The following ZDHHC5 variants were observed in gnomAD, a reference collection of about 807,000 sequenced individuals.
The protein encoded by ZDHHC5 is palmitoyltransferase ZDHHC5.
In ZDHHC5, 22 loss-of-function variants were observed where a neutral mutation model predicts 70.0. The ratio of observed to expected loss-of-function variants is 0.31; its 90% CI spans 0.22 to 0.45. The LOEUF (loss-of-function observed/expected upper bound fraction) is 0.45, where lower values mean the gene tolerates loss of function less well. Among genes scored for constraint, ZDHHC5 ranks in the 20% least tolerant of loss-of-function variants. The pLI is 1.00. For synonymous variants in ZDHHC5, 313 were observed against 347.8 expected (o/e 0.90, Z 1.11); for missense variants, 746 against 926.9 (o/e 0.80, Z 2.53).
At chr11:57,681,291 A>G (rs1946147140) in intron 2 of ZDHHC5, among the ~76,000 whole-genome samples, 1 of 152,132 alleles carries the variant, frequency 6.6e-6, no homozygotes. Context: ...CTGGAATCAT[A>G]TGCTGTCTTG....
intron 10 of ZDHHC5, among the ~76,000 whole-genome samples, chr11:57,697,828 CAAAAAA>C (rs1010913426): frequency 3.5e-5 from 1 of 28,760 alleles, no homozygotes; most frequent in Non-Finnish European, 7.1e-5. Flanking sequence ...GACTACACCT[CAAAAAA>C]AAAAAAAAAA....
chr11:57,674,712 G>GA (rs1010820709), intron 2 of ZDHHC5, among the ~76,000 whole-genome samples: 9 of 152,152 alleles, frequency 5.9e-5, no homozygotes, highest in Non-Finnish European at 8.8e-5. Context: ...AAGATATTCT[G>GA]AAAAATGTGG....
At chr11:57,688,101 T>G (rs1290956694) in intron 3 of ZDHHC5, among the ~76,000 whole-genome samples, 1 of 152,146 alleles carries the variant, frequency 6.6e-6, no homozygotes, top group African/African-American at 2.4e-5. Flanking sequence ...GAAAAAAAGG[T>G]TGATGTTAGT....
At chr11:57,680,401 C>T (rs963951161) in intron 2 of ZDHHC5, among the ~76,000 whole-genome samples, 1 of 152,012 alleles carries the variant, frequency 6.6e-6, no homozygotes, top group Non-Finnish European at 1.5e-5. Flanking sequence ...AAGAAAGAGT[C>T]GAGTCAGAAA....
At chr11:57,683,296 G>C (rs1175658602) in intron 3 of ZDHHC5, among the ~76,000 whole-genome samples, 1 of 152,206 alleles carries the variant, frequency 6.6e-6, no homozygotes, top group Non-Finnish European at 1.5e-5. Context: ...ATTCCTTTTA[G>C]AAAAATAATT....
intron 7 of ZDHHC5, 140 bp downstream of exon 7, chr11:57,692,842 T>A: frequency 3.8e-6 from 3 of 789,214 alleles, no homozygotes; most frequent in African/African-American, 1.7e-5. Flanking sequence ...CCACTCTATC[T>A]TAGAATGGTA....
At chr11:57,682,822 A>G (rs1209062352) in intron 3 of ZDHHC5, among the ~76,000 whole-genome samples, 1 of 152,170 alleles carries the variant, frequency 6.6e-6, no homozygotes, top group Non-Finnish European at 1.5e-5. Flanking sequence ...AGTTTTAGTG[A>G]TTTGTTCAGC....
At chr11:57,669,184 T>A (rs1945968264) in intron 1 of ZDHHC5, among the ~76,000 whole-genome samples, 1 of 152,230 alleles carries the variant, frequency 6.6e-6, no homozygotes, top group African/African-American at 2.4e-5. Context: ...ACATTAAACT[T>A]CTTGGCTCTT....
intron 3 of ZDHHC5, among the ~76,000 whole-genome samples, chr11:57,685,353 T>TA (rs1419439867): frequency 1.3e-5 from 2 of 152,072 alleles, no homozygotes; most frequent in Non-Finnish European, 2.9e-5. Flanking sequence ...TTGGGGTTTT[T>TA]AAGAAGGTCA....
chr11:57,699,472 C>A, intron 11 of ZDHHC5, 54 bp downstream of exon 11: 1 of 1,512,244 alleles, frequency 6.6e-7, no homozygotes, highest in South Asian at 1.3e-5. Context: ...GCATACTGCT[C>A]TGCAAAAGCT....
rs957024006 is a variant in ZDHHC5 at position 57,698,417 on chromosome 11, A to C, written c.1123-142A>C. 6 of 1,187,170 alleles carry C rather than the reference A, an allele frequency of 5.1e-6. No homozygotes were observed. The East Asian group carries it at 1.4e-4, about 28-fold the overall frequency. The allele number at this position is 1,187,170 out of a possible 1,614,324, so 73.5% of individuals were successfully genotyped here. Reference sequence around the variant, plus strand: ...ATTTGCCTGAATTCAGTTTTTCTTGAGGGATTAACCCAGATAATGCATGTA... The same window carrying C: ...ATTTGCCTGAATTCAGTTTTTCTTGCGGGATTAACCCAGATAATGCATGTA... On this transcript the variant is annotated intron_variant, in intron 10 of 11. Coordinates refer to ENST00000287169, the MANE Select transcript of ZDHHC5 (RefSeq NM_015457.3).
At chr11:57,671,522 A>G (rs184804818) in intron 1 of ZDHHC5, among the ~76,000 whole-genome samples, 4 of 152,180 alleles carry the variant, frequency 2.6e-5, no homozygotes, top group Non-Finnish European at 4.4e-5. Context: ...TTCAGCTTCT[A>G]CCTCTTCAGG....
rs4259842 is a variant in ZDHHC5 at position 57,678,485 on chromosome 11, G to T, written c.105-3937G>T. On this transcript the variant is annotated intron_variant, in intron 2 of 11. Transcript: ENST00000287169. ...ACTCGGGAGGCTGAGGCAGGAAAATGGTGTGAACCCGGGAGGCGGAGCTTG... is the reference window on the plus strand; with the variant it reads ...ACTCGGGAGGCTGAGGCAGGAAAATTGTGTGAACCCGGGAGGCGGAGCTTG... 1.5e-3 allele frequency among the ~76,000 whole-genome samples: 220 copies of T among 151,346 alleles called. No individual in the cohort carries two copies. In the Middle Eastern group the frequency reaches 0.031, roughly 21 times the overall value.
At chr11:57,695,548 G>A (rs1428640615) in intron 8 of ZDHHC5, among the ~76,000 whole-genome samples, 2 of 152,146 alleles carry the variant, frequency 1.3e-5, no homozygotes, top group African/African-American at 4.8e-5. Context: ...CATTTAGGGT[G>A]GCCAAGGTGG....
Position 57,696,865 on chromosome 11 carries a change from A to T in ZDHHC5, c.1114A>T (p.Ser372Cys). ...STSAAMPHSS[S>C]AKLSRGDSLK... Reference sequence around the variant, plus strand: ...GTCAGCTGCCATGCCGCATTCCTCCAGCGCCAAGGTACTGAGTACTCTAAG... The same window carrying T: ...GTCAGCTGCCATGCCGCATTCCTCCTGCGCCAAGGTACTGAGTACTCTAAG... Residue 372 changes from serine (S) to cysteine (C), a missense_variant, in exon 10 of 12, where the codon AGC becomes TGC. By Grantham distance (112) the Ser-to-Cys change is moderately radical. This residue lies in a region of ZDHHC5 where 179 missense variants were observed against 178.4 expected (regional missense o/e 1.00). Coordinates refer to ENST00000287169, the MANE Select transcript of ZDHHC5 (RefSeq NM_015457.3). 6.2e-7 allele frequency: 1 copy of T among 1,613,626 alleles called. No homozygotes were observed. The highest frequency in any genetic ancestry group is 8.5e-7 in the Non-Finnish European group (1 of 1,179,734).
chr11:57,698,503 G>C, intron 10 of ZDHHC5, 56 bp from the exon 11 acceptor site: 1 of 1,532,818 alleles, frequency 6.5e-7, no homozygotes, highest in Non-Finnish European at 8.7e-7. Flanking sequence ...TGAGCTCTGG[G>C]GTCTAGCTTC....
chr11:57,684,183 G>A (rs1333243048), intron 3 of ZDHHC5, among the ~76,000 whole-genome samples: 2 of 152,026 alleles, frequency 1.3e-5, no homozygotes, highest in Non-Finnish European at 2.9e-5. Flanking sequence ...TTCCATATTG[G>A]CCAGGCTGGT....
In ZDHHC5 at chr11:57,682,507, A is replaced by T; in HGVS notation, c.190A>T (p.Met64Leu). 6.2e-7 allele frequency: 1 copy of T among 1,614,166 alleles called. No homozygotes were observed. Among genetic ancestry groups the T allele is most frequent in the Non-Finnish European group, 8.5e-7 (1 of 1,180,020 alleles). Residue 64 changes from methionine (M) to leucine (L), a missense_variant, in exon 3 of 12, where the codon ATG becomes TTG. Coordinates refer to ENST00000287169, the MANE Select transcript of ZDHHC5 (RefSeq NM_015457.3). Reference sequence around the variant, plus strand: ...TCTCTTTGTGTTGGCCAACTTCAGCATGGCCACCTTCATGGACCCAGGGAT... The same window carrying T: ...TCTCTTTGTGTTGGCCAACTTCAGCTTGGCCACCTTCATGGACCCAGGGAT... ...MFLFVLANFS[M>L]ATFMDPGIFP...
chr11:57,677,405 A>C (rs949779200), intron 2 of ZDHHC5, among the ~76,000 whole-genome samples: 2 of 146,170 alleles, frequency 1.4e-5, no homozygotes, highest in Non-Finnish European at 3.0e-5. Flanking sequence ...TCCTGCCTCA[A>C]CCTCCTGAGT....
Sources: gnomAD v4.1 joint callset for allele counts (sites outside exome capture counted in the v4.1 genomes callset) on GRCh38, gnomAD v4.1.1 for gene constraint, gnomAD v4.1.1 regional missense constraint, MANE v1.5 for transcripts, NCBI Gene and HGNC (gene_info 2026-07-23, HGNC 2026-07-21) for gene names.